Variants in CDKN3 observed in about 807,000 individuals in gnomAD.
CDKN3 encodes cyclin-dependent kinase inhibitor 3.
A neutral mutation model predicts 36.1 loss-of-function variants in CDKN3; 19 were observed. The ratio of observed to expected loss-of-function variants is 0.53; its 90% confidence interval spans 0.37 to 0.77. The LOEUF (loss-of-function observed/expected upper bound fraction) is 0.77. Ranked by LOEUF, CDKN3 falls within the 30% of genes least tolerant of loss-of-function variation. CDKN3 has a pLI of 0.00. For synonymous variants in CDKN3, 71 were observed against 85.3 expected (o/e 0.83, Z 0.92); for missense variants, 188 against 248.6 (o/e 0.76, Z 1.64).
chr14:54,400,788 G>A (rs4251610), intron 2 of CDKN3, among the ~76,000 whole-genome samples: 1 of 152,084 alleles, frequency 6.6e-6, no homozygotes. Context: ...GATGCCTCCT[G>A]TTTTCCTTTA....
chr14:54,410,770 A>G (rs1326602370), intron 4 of CDKN3, among the ~76,000 whole-genome samples: 6 of 152,198 alleles, frequency 3.9e-5, no homozygotes, highest in South Asian at 2.1e-4. Context: ...GAGAAAAAGA[A>G]AAAAAGTGCT....
Position 54,417,932 on chromosome 14 carries a change from G to T in CDKN3, c.533G>T (p.Gly178Val). 6.3e-7 allele frequency: 1 copy of T among 1,587,680 alleles called. No homozygotes were observed. The highest frequency in any genetic ancestry group is 1.1e-5 in the South Asian group (1 of 87,256). ...AGCCTGCGAGACCTAAGAGGATCCG[G>T]GGCAATACAGACCATCAAGGTGAGG... Reference protein sequence around the residue: ...IDSLRDLRGSGAIQTIKQYNY... With the variant: ...IDSLRDLRGSVAIQTIKQYNY... Residue 178 changes from glycine (G) to valine (V), a missense_variant, in exon 7 of 8, where the codon GGG becomes GTG. Coordinates refer to ENST00000335183, the MANE Select transcript of CDKN3 (RefSeq NM_005192.4).
At position 54,420,093 on chromosome 14, in the gene CDKN3, C is replaced by CATAT; in HGVS notation, c.*20_*23dup. 1 of 1,397,172 alleles carries CATAT rather than the reference C, an allele frequency of 7.2e-7. No homozygotes were observed. The highest frequency in any genetic ancestry group is 1.2e-5 in the South Asian group (1 of 86,042). 86.5% of individuals were successfully genotyped at this position (1,397,172 alleles called of 1,614,324 possible). A position where few individuals can be genotyped will look rare whatever the true frequency, so the allele number is the denominator to read the frequency against. On this transcript the variant is annotated 3_prime_UTR_variant, in exon 8 of 8. Coordinates refer to ENST00000335183, the MANE Select transcript of CDKN3 (RefSeq NM_005192.4). ...TATCAAGATAAAGGAATTCAAATAGCATATATATGACCATGTCTGAAATGT... is the reference window on the plus strand; with the variant it reads ...TATCAAGATAAAGGAATTCAAATAGCATATATATATATGACCATGTCTGAAATGT...
chr14:54,410,482 A>G (rs1435648358), intron 4 of CDKN3, among the ~76,000 whole-genome samples: 1 of 152,244 alleles, frequency 6.6e-6, no homozygotes, highest in Non-Finnish European at 1.5e-5. Context: ...AATGCTCAAT[A>G]GTTAATATTG....
intron 3 of CDKN3, among the ~76,000 whole-genome samples, chr14:54,402,889 G>A (rs935932341): frequency 6.6e-6 from 1 of 152,182 alleles, no homozygotes; most frequent in Non-Finnish European, 1.5e-5. Context: ...TGAGGCCTCT[G>A]TTCTGTTCCA....
chr14:54,412,859 T>C (rs1478591694), intron 5 of CDKN3: 6 of 516,960 alleles, frequency 1.2e-5, no homozygotes, highest in Admixed American at 3.9e-5. Context: ...TTAAATAGTT[T>C]ACGACCTCAA....
chr14:54,407,365 C>T (rs1351715964), intron 3 of CDKN3, among the ~76,000 whole-genome samples: 1 of 152,234 alleles, frequency 6.6e-6, no homozygotes, highest in Non-Finnish European at 1.5e-5. Context: ...TAGCAAAGCT[C>T]GAGCACTGTG....
At chr14:54,406,720 A>G (rs185365122) in intron 3 of CDKN3, among the ~76,000 whole-genome samples, 1 of 148,658 alleles carries the variant, frequency 6.7e-6, no homozygotes, top group Non-Finnish European at 1.5e-5. Context: ...TAAACTGGTT[A>G]TTATAGTTAG....
intron 7 of CDKN3, among the ~76,000 whole-genome samples, chr14:54,419,088 G>A (rs1025529925): frequency 3.3e-5 from 5 of 151,144 alleles, no homozygotes; most frequent in Admixed American, 2.0e-4. Context: ...AACCTGGGAG[G>A]CAGAGGTTGC....
Position 54,397,084 on chromosome 14 carries a change from C to T in CDKN3, c.9+7C>T, listed in dbSNP as rs1297008807. ...GCGGCCAGCGATGAAGCCGGTGAGT[C>T]GGACGTGCTGGGGTTTGGAGGAGCG... On this transcript the variant is annotated splice_region_variant and intron_variant, in intron 1 of 7. Transcript: ENST00000335183. 4 of 1,501,256 alleles carry T rather than the reference C, an allele frequency of 2.7e-6. No homozygotes were observed. The highest frequency in any genetic ancestry group is 8.9e-7 in the Non-Finnish European group (1 of 1,122,244). 93.0% of individuals were successfully genotyped at this position (1,501,256 alleles called of 1,614,324 possible).
At chr14:54,416,646 C>G (rs2030562075) in intron 6 of CDKN3, among the ~76,000 whole-genome samples, 1 of 152,088 alleles carries the variant, frequency 6.6e-6, no homozygotes, top group African/African-American at 2.4e-5. Flanking sequence ...GAAACCCCAT[C>G]TCTACAAGAA....
intron 6 of CDKN3, among the ~76,000 whole-genome samples, chr14:54,416,994 A>G (rs1053421894): frequency 1.3e-5 from 2 of 152,208 alleles, no homozygotes; most frequent in Admixed American, 6.5e-5. Context: ...CTTGACACCA[A>G]TTAGGAAGGG....
chr14:54,413,501 G>A, intron 5 of CDKN3: 1 of 799,960 alleles, frequency 1.3e-6, no homozygotes, highest in Non-Finnish European at 2.1e-6. Flanking sequence ...TGTTTGTGCA[G>A]AGTACAAACA....
chr14:54,398,269 G>A (rs1202546624), intron 1 of CDKN3, among the ~76,000 whole-genome samples: 1 of 152,208 alleles, frequency 6.6e-6, no homozygotes, highest in African/African-American at 2.4e-5. Flanking sequence ...TCCCTATGTT[G>A]CCATGTGGAG....
intron 1 of CDKN3, among the ~76,000 whole-genome samples, chr14:54,397,906 G>A: frequency 6.6e-6 from 1 of 152,202 alleles, no homozygotes. Flanking sequence ...CAAGGCGGGC[G>A]GATCACTTGA....
chr14:54,404,895 C>T (rs1202234709), intron 3 of CDKN3, among the ~76,000 whole-genome samples: 5 of 152,120 alleles, frequency 3.3e-5, no homozygotes, highest in Non-Finnish European at 7.3e-5. Flanking sequence ...TTAGTTATTT[C>T]TTGTCTTCTG....
chr14:54,401,143 T>C (rs2029922484), intron 2 of CDKN3, among the ~76,000 whole-genome samples: 1 of 152,220 alleles, frequency 6.6e-6, no homozygotes, highest in Admixed American at 6.5e-5. Flanking sequence ...CTTGGTTTTT[T>C]GTTTTCTTGT....
chr14:54,418,205 C>T (rs1286221859), intron 7 of CDKN3: 1 of 702,474 alleles, frequency 1.4e-6, no homozygotes, highest in East Asian at 2.7e-5. Flanking sequence ...TCCTGGTTTA[C>T]TTTTCCAGGA....
At position 54,412,865 on chromosome 14, in the gene CDKN3, C is replaced by G. The variant is rs777798796; in HGVS notation, c.416+1159C>G. On this transcript the variant is annotated intron_variant, in intron 5 of 7. Transcript: ENST00000335183. ...GGTAGGGTATTAAATAGTTTACGACCTCAAAAGCCCCAAGTTCCTTAAGGA... is the reference window on the plus strand; with the variant it reads ...GGTAGGGTATTAAATAGTTTACGACGTCAAAAGCCCCAAGTTCCTTAAGGA... The G allele has an allele frequency of 5.8e-6, 3 of 516,938 alleles. No individual in the cohort carries two copies. The East Asian group carries it at 1.6e-4, about 28-fold the overall frequency. The allele number at this position is 516,938 out of a possible 1,614,324, so 32.0% of individuals were successfully genotyped here.
Sources: allele counts gnomAD v4.1 joint callset (sites outside exome capture counted in the v4.1 genomes callset), GRCh38; gene constraint gnomAD v4.1.1; transcripts MANE v1.5; gene names NCBI Gene and HGNC (gene_info 2026-07-23, HGNC 2026-07-21).